NKIRAS2: variants seen among roughly 807,000 people sequenced by gnomAD.
NKIRAS2 encodes NF-kappa-B inhibitor-interacting Ras-like protein 2.
A neutral mutation model predicts 20.7 loss-of-function variants in NKIRAS2; 15 were observed. The observed-to-expected ratio is 0.73, with a 90% CI of 0.49 to 1.12. NKIRAS2 has a LOEUF of 1.12. Ranked by LOEUF, NKIRAS2 falls within the 50% of genes most tolerant of loss-of-function variation. The pLI, the probability that NKIRAS2 is intolerant of heterozygous loss-of-function variation, is 0.00. For synonymous variants in NKIRAS2, 116 were observed against 101.4 expected (o/e 1.14, Z -0.87); for missense variants, 196 against 249.6 (o/e 0.79, Z 1.45).
At chr17:42,020,563 GCT>G (rs1259929537) in intron 1 of NKIRAS2, 2 of 152,234 alleles carry the variant, frequency 1.3e-5, no homozygotes, top group African/African-American at 4.8e-5. Flanking sequence ...CTGTATCTGA[GCT>G]TTCTCTTTTG....
chr17:42,017,720 G>A, upstream of NKIRAS2: 1 of 503,280 alleles, frequency 2.0e-6, no homozygotes, highest in East Asian at 3.7e-5. Flanking sequence ...TATTCCAAGA[G>A]CCTCATTGCC....
In NKIRAS2 at chr17:42,024,245, G is replaced by A; in HGVS notation, c.*352G>A. On this transcript the variant is annotated 3_prime_UTR_variant, in exon 4 of 4. Transcript: ENST00000393885. ...TCTTGGGTCTGAGTTCCTATTATAG[G>A]TAGGGGCCCCACCCTCTGGGCTTCC... 9.9e-6 allele frequency: 3 copies of A among 304,350 alleles called. No individual in the cohort carries two copies. In the South Asian group the frequency reaches 1.0e-4, roughly 10 times the overall value. The allele number at this position is 304,350 out of a possible 1,614,324, so 18.9% of individuals were successfully genotyped here.
At chr17:42,017,782 G>C (rs547693912), upstream of NKIRAS2, 1 of 330,866 alleles carries the variant, frequency 3.0e-6, no homozygotes, top group African/African-American at 2.2e-5. Flanking sequence ...GTGGAGTCTG[G>C]GTTGCGTGGG....
At chr17:42,022,366 T>C (rs1555653220) in intron 2 of NKIRAS2, 33 bp from the exon 3 acceptor site, 1 of 1,544,722 alleles carries the variant, frequency 6.5e-7, no homozygotes, top group Non-Finnish European at 8.8e-7. Context: ...CATCTCTCTC[T>C]CCACTTCAGA....
At position 42,023,723 on chromosome 17, in the gene NKIRAS2, C is replaced by T. The variant is rs1247328042; in HGVS notation, c.406C>T (p.Gln136Ter). The T allele has an allele frequency of 1.2e-6, 2 of 1,613,992 alleles. No homozygotes were observed. The highest frequency in any genetic ancestry group is 2.7e-5 in the African/African-American group (2 of 74,890). ...GCGGCGTGTAGACCCAGATGTGGCT[C>T]AGCACTGGGCCAAGTCAGAGAAGGT... Reference protein sequence around the residue: ...EQRRVDPDVAQHWAKSEKVKL... With the variant: ...EQRRVDPDVA The change falls in exon 4 of 4, where the codon CAG becomes TAG. Residue 136 changes from glutamine to a stop codon, truncating the protein, a stop_gained. Transcript: ENST00000393885. LOFTEE classifies it high-confidence loss of function.
At chr17:42,018,531 A>G (rs1208329577), upstream of NKIRAS2, 1 of 152,158 alleles carries the variant, frequency 6.6e-6, no homozygotes, top group African/African-American at 2.4e-5. Flanking sequence ...CTGAGTAGGG[A>G]GGGATAGGAC....
At chr17:42,021,323 C>T in intron 1 of NKIRAS2, 1 of 445,918 alleles carries the variant, frequency 2.2e-6, no homozygotes, top group South Asian at 2.5e-5. Flanking sequence ...AACAGCTTAC[C>T]ATCCAGTAGT....
At chr17:42,022,231 T>G in intron 2 of NKIRAS2, 168 bp from the exon 3 acceptor site, 2 of 683,072 alleles carry the variant, frequency 2.9e-6, no homozygotes, top group Non-Finnish European at 4.9e-6. Flanking sequence ...GAAATTAATG[T>G]TCGTTCCCCT....
At position 42,023,909 on chromosome 17, in the gene NKIRAS2, C is replaced by T; in HGVS notation, c.*16C>T. 6.2e-7 allele frequency: 1 copy of T among 1,612,604 alleles called. No individual in the cohort carries two copies. Among genetic ancestry groups the T allele is most frequent in the African/African-American group, 1.3e-5 (1 of 75,024 alleles). On this transcript the variant is annotated 3_prime_UTR_variant, in exon 4 of 4. Transcript: ENST00000393885. ...GGATGGCTGAAGAGCTGCCGTTCCT[C>T]TTTCACGATCCCAGCCCCATTTCAG... is the stretch of plus-strand genomic sequence containing the variant.
At chr17:42,019,045 C>G (rs1423338623), upstream of NKIRAS2, among the ~76,000 whole-genome samples, 1 of 152,202 alleles carries the variant, frequency 6.6e-6, no homozygotes, top group African/African-American at 2.4e-5. Context: ...TTTGTTGATT[C>G]TCCTACCAAA....
chr17:42,017,614 A>G, upstream of NKIRAS2: 1 of 658,282 alleles, frequency 1.5e-6, no homozygotes, highest in Non-Finnish European at 2.5e-6. Context: ...GCGGGAGCCC[A>G]GGGGCTGTGC....
chr17:42,023,629 C>T (rs1555653549), intron 3 of NKIRAS2, 25 bp from the exon 4 acceptor site: 1 of 1,608,262 alleles, frequency 6.2e-7, no homozygotes, highest in East Asian at 2.2e-5. Context: ...CATTCACAGG[C>T]CTATGCTCTG....
rs2052476404 is a variant in NKIRAS2 at position 42,022,408 on chromosome 17, T to C, written c.104T>C (p.Met35Thr). The part of the protein sequence containing the change: ...LYGNHVVGSE[M>T]IETQEDIYVG... Reference sequence around the variant, plus strand: ...TCTCATTTTATACCAGGTTCGGAGATGATCGAGACGCAGGAGGACATCTAC... The same window carrying C: ...TCTCATTTTATACCAGGTTCGGAGACGATCGAGACGCAGGAGGACATCTAC... Residue 35 changes from methionine (M) to threonine (T), a missense_variant, in exon 3 of 4, where the codon ATG becomes ACG. Met to Thr is a moderately conservative substitution (Grantham distance 81, BLOSUM62 -1). Transcript: ENST00000393885. 1.3e-6 allele frequency: 2 copies of C among 1,583,116 alleles called. No individual in the cohort carries two copies. Among genetic ancestry groups the C allele is most frequent in the Non-Finnish European group, 8.6e-7 (1 of 1,159,498 alleles).
intron 2 of NKIRAS2, 131 bp from the exon 3 acceptor site, chr17:42,022,268 G>A (rs927607907): frequency 2.3e-6 from 2 of 882,666 alleles, no homozygotes; most frequent in Non-Finnish European, 3.5e-6. Context: ...AGTCCTGCCA[G>A]GCTGTCAATT....
At chr17:42,017,638 G>A, upstream of NKIRAS2, 1 of 595,848 alleles carries the variant, frequency 1.7e-6, no homozygotes, top group Non-Finnish European at 2.9e-6. Flanking sequence ...TGCGTAGGCG[G>A]CGCCACTTTA....
intron 1 of NKIRAS2, chr17:42,021,334 A>G (rs2143435428): frequency 2.1e-6 from 1 of 482,914 alleles, no homozygotes; most frequent in East Asian, 3.6e-5. Context: ...ATCCAGTAGT[A>G]GACATGGAGA....
At position 42,023,696 on chromosome 17, in the gene NKIRAS2, C is replaced by CA. The variant is rs1555653564; in HGVS notation, c.380dup (p.Arg128AlafsTer85). On this transcript the variant is annotated frameshift_variant, in exon 4 of 4. Transcript: ENST00000393885. LOFTEE classifies it high-confidence loss of function. ...TGGCAACAAGTGTGACTTACAGGAGCAGCGGCGTGTAGACCCAGATGTGGC... is the reference window on the plus strand; with the variant it reads ...TGGCAACAAGTGTGACTTACAGGAGCAAGCGGCGTGTAGACCCAGATGTGGC... 1 of 1,614,204 alleles carries CA rather than the reference C, an allele frequency of 6.2e-7. No individual in the cohort carries two copies. Among genetic ancestry groups the CA allele is most frequent in the East Asian group, 2.2e-5 (1 of 44,888 alleles).
At position 42,022,444 on chromosome 17, in the gene NKIRAS2, T is replaced by A. The variant is rs782057329; in HGVS notation, c.140T>A (p.Ile47Asn). 1 of 1,607,140 alleles carries A rather than the reference T, an allele frequency of 6.2e-7. No homozygotes were observed. The highest frequency in any genetic ancestry group is 1.1e-5 in the South Asian group (1 of 90,950). The change falls in exon 3 of 4, where the codon ATT (isoleucine) becomes AAT (asparagine). Residue 47 changes from isoleucine to asparagine, a missense_variant. Coordinates refer to ENST00000393885, the MANE Select transcript of NKIRAS2 (RefSeq NM_017595.6). Reference protein sequence around the residue: ...ETQEDIYVGSIETDRGVREQV... With the variant: ...ETQEDIYVGSNETDRGVREQV... ...CAGGAGGACATCTACGTGGGCTCCA[T>A]TGAGACAGACCGGGGGGTGCGAGAG...
Position 42,023,651 on chromosome 17 carries a change from C to T in NKIRAS2, c.337-3C>T. ...AGGCCTATGCTCTGTCCCTCTTCCC[C>T]AGGTCACCATCGTGGTCCTTGGCAA... On this transcript the variant is annotated splice_polypyrimidine_tract_variant and splice_region_variant and intron_variant, in intron 3 of 3. Transcript: ENST00000393885. 1 of 1,613,592 alleles carries T rather than the reference C, an allele frequency of 6.2e-7. No individual in the cohort carries two copies. The highest frequency in any genetic ancestry group is 1.7e-5 in the Admixed American group (1 of 60,010).
Sources: gnomAD v4.1 joint callset for allele counts (sites outside exome capture counted in the v4.1 genomes callset) on GRCh38, gnomAD v4.1.1 for gene constraint, MANE v1.5 for transcripts, NCBI Gene and HGNC (gene_info 2026-07-23, HGNC 2026-07-21) for gene names.